DLGAP2: variants seen among roughly 807,000 people sequenced by gnomAD.
DLGAP2 encodes DLG associated protein 2.
A neutral mutation model predicts 100.3 loss-of-function variants in DLGAP2; 26 were observed. The ratio of observed to expected loss-of-function variants is 0.26; its 90% CI spans 0.19 to 0.36. The LOEUF (loss-of-function observed/expected upper bound fraction) is 0.36. Among genes scored for constraint, DLGAP2 ranks in the 10% least tolerant of loss-of-function variants. The probability of loss-of-function intolerance (pLI) is 1.00; values close to 1 mark genes in which losing one functional copy is unlikely to be tolerated. For synonymous variants in DLGAP2, 886 were observed against 630.1 expected (o/e 1.41, Z -6.08); for missense variants, 1,858 against 1,453.2 (o/e 1.28, Z -4.53).
chr8:845,369 T>C (rs1042931400), intron 1 of DLGAP2, among the ~76,000 whole-genome samples: 10 of 152,318 alleles, frequency 6.6e-5, no homozygotes, highest in Non-Finnish European at 1.3e-4. Flanking sequence ...TGTGGTATTT[T>C]AGGGTATGGT....
chr8:1,010,473 T>C (rs1208530127), intron 2 of DLGAP2, among the ~76,000 whole-genome samples: 2 of 152,262 alleles, frequency 1.3e-5, no homozygotes, highest in African/African-American at 2.4e-5. Flanking sequence ...TGCACACATG[T>C]GCACTCTAAA....
intron 2 of DLGAP2, among the ~76,000 whole-genome samples, chr8:1,210,493 C>T (rs947866884): frequency 3.9e-5 from 6 of 152,168 alleles, no homozygotes; most frequent in African/African-American, 1.2e-4. Flanking sequence ...AGCCCTGAGG[C>T]GGGCAGGCAG....
chr8:955,905 C>T (rs915802413), intron 2 of DLGAP2, among the ~76,000 whole-genome samples: 9 of 152,040 alleles, frequency 5.9e-5, no homozygotes, highest in South Asian at 4.1e-4. Flanking sequence ...ATGTGTTGCT[C>T]GGTATTAAGA....
intron 2 of DLGAP2, chr8:1,105,192 G>A (rs191427367): frequency 1.6e-4 from 25 of 152,198 alleles, no homozygotes; most frequent in South Asian, 2.1e-4. Flanking sequence ...CCTTCTTAAC[G>A]CCACCTTTTC....
intron 3 of DLGAP2, among the ~76,000 whole-genome samples, chr8:1,362,697 C>A (rs1483281245): frequency 6.6e-6 from 1 of 152,214 alleles, no homozygotes; most frequent in East Asian, 1.9e-4. Flanking sequence ...TAACCTAAAT[C>A]TATTTTCCGC....
intron 1 of DLGAP2, among the ~76,000 whole-genome samples, chr8:883,974 T>A (rs1797872098): frequency 6.6e-6 from 1 of 152,250 alleles, no homozygotes. Context: ...ATGATCTCTT[T>A]GCTTTTTATA....
chr8:1,211,048 TC>T (rs35571777), intron 2 of DLGAP2, among the ~76,000 whole-genome samples: 1 of 152,242 alleles, frequency 6.6e-6, no homozygotes, highest in Admixed American at 6.5e-5. Flanking sequence ...GCTCGGCTCT[TC>T]CGCCAGCCTT....
intron 3 of DLGAP2, among the ~76,000 whole-genome samples, chr8:1,315,488 A>C: frequency 6.8e-6 from 1 of 147,192 alleles, no homozygotes; most frequent in Non-Finnish European, 1.5e-5. Context: ...GGCAGCTTTT[A>C]AAAATAGAGC....
chr8:1,547,181 G>C (rs1801571214), intron 4 of DLGAP2, among the ~76,000 whole-genome samples: 1 of 152,202 alleles, frequency 6.6e-6, no homozygotes, highest in South Asian at 2.1e-4. Flanking sequence ...GGCAGAGGGA[G>C]GCTCGGCAGC....
In DLGAP2 at chr8:1,336,384, G is replaced by C. The variant is rs115045841; in HGVS notation, c.106+77501G>C. 3.6e-3 allele frequency among the ~76,000 whole-genome samples: 545 copies of C among 152,326 alleles called. 2 individuals are homozygous for C. Among genetic ancestry groups the C allele is most frequent in the African/African-American group, 0.012 (512 of 41,576 alleles). The stretch of plus-strand genomic sequence containing the variant: ...GAAAGAGCTGGAGGAAAAGTGGCGA[G>C]GAGGAGGAGGAAAGGCACCGTGCAT... On this transcript the variant is annotated intron_variant, in intron 3 of 14. Transcript: ENST00000637795.
intron 6 of DLGAP2, among the ~76,000 whole-genome samples, chr8:1,572,203 G>A (rs1802741955): frequency 8.4e-6 from 1 of 118,966 alleles, no homozygotes; most frequent in Non-Finnish European, 1.7e-5. Flanking sequence ...GAGAGAGGGT[G>A]AACTGTGGGG....
At chr8:896,924 G>A (rs759066433) in intron 1 of DLGAP2, among the ~76,000 whole-genome samples, 1 of 152,164 alleles carries the variant, frequency 6.6e-6, no homozygotes, top group Admixed American at 6.5e-5. Context: ...ACTTCAGCCC[G>A]AGGAGATGCG....
intron 1 of DLGAP2, among the ~76,000 whole-genome samples, chr8:867,422 G>A (rs1053710805): frequency 6.6e-6 from 1 of 152,244 alleles, no homozygotes; most frequent in Non-Finnish European, 1.5e-5. Flanking sequence ...GAGACAGAAG[G>A]TCCTTCAGAG....
chr8:1,574,710 T>TA (rs1313101942), intron 6 of DLGAP2, among the ~76,000 whole-genome samples: 1 of 152,202 alleles, frequency 6.6e-6, no homozygotes, highest in Non-Finnish European at 1.5e-5. Context: ...GCTGAGTTGA[T>TA]AAAGTTGGTT....
intron 3 of DLGAP2, among the ~76,000 whole-genome samples, chr8:1,474,599 A>G (rs2130217243): frequency 6.6e-6 from 1 of 152,348 alleles, no homozygotes; most frequent in Non-Finnish European, 1.5e-5. Context: ...AAGAAGACAT[A>G]CAAGTGGGCA....
intron 7 of DLGAP2, among the ~76,000 whole-genome samples, chr8:1,631,980 T>G (rs1327518962): frequency 6.6e-6 from 1 of 152,172 alleles, no homozygotes; most frequent in Middle Eastern, 3.4e-3. Flanking sequence ...TCTGCCAACA[T>G]AATCCAGGGG....
At chr8:969,575 T>C (rs1388264640) in intron 2 of DLGAP2, among the ~76,000 whole-genome samples, 2 of 152,114 alleles carry the variant, frequency 1.3e-5, no homozygotes, top group African/African-American at 2.4e-5. Context: ...TAAATAATTA[T>C]ATTACCAACA....
chr8:1,511,550 A>C (rs1177772757), intron 4 of DLGAP2, among the ~76,000 whole-genome samples: 1 of 151,638 alleles, frequency 6.6e-6, no homozygotes, highest in Non-Finnish European at 1.5e-5. Context: ...ACCATCTTCC[A>C]TGGACGTAAG....
At chr8:1,374,522 T>C (rs1179774311) in intron 3 of DLGAP2, among the ~76,000 whole-genome samples, 1 of 152,176 alleles carries the variant, frequency 6.6e-6, no homozygotes, top group African/African-American at 2.4e-5. Flanking sequence ...CCAATTTACT[T>C]AACAAAGGGC....
Sources: allele counts gnomAD v4.1 joint callset (sites outside exome capture counted in the v4.1 genomes callset), GRCh38; gene constraint gnomAD v4.1.1; transcripts MANE v1.5; gene names NCBI Gene and HGNC (gene_info 2026-07-23, HGNC 2026-07-21).